MBOAT7: variants seen among roughly 807,000 people sequenced by gnomAD.
MBOAT7 encodes the protein membrane bound acylglycerophosphatidylinositol O-acyltransferase MBOAT7.
MBOAT7 carries 40 observed loss-of-function variants against 47.4 expected under a neutral mutation model. The observed-to-expected ratio is 0.84, with a 90% confidence interval of 0.66 to 1.10. MBOAT7 has a LOEUF of 1.10. Ranked by LOEUF, MBOAT7 falls within the 50% of genes least tolerant of loss-of-function variation. The pLI is 0.00. For synonymous variants in MBOAT7, 361 were observed against 292.0 expected (o/e 1.24, Z -2.41); for missense variants, 680 against 655.6 (o/e 1.04, Z -0.41).
chr19:54,174,500 G>A, intron 7 of MBOAT7, 69 bp from the exon 8 acceptor site: 1 of 1,433,442 alleles, frequency 7.0e-7, no homozygotes, highest in South Asian at 1.4e-5. Context: ...CCAGATCCAG[G>A]AGTCCAGGAC....
In MBOAT7 at chr19:54,180,756, C is replaced by T; in HGVS notation, c.854+17G>A. 1 of 1,495,986 alleles carries T rather than the reference C, an allele frequency of 6.7e-7. No homozygotes were observed. 92.7% of individuals were successfully genotyped at this position (1,495,986 alleles called of 1,614,324 possible). A position where few individuals can be genotyped will look rare whatever the true frequency, so the allele number is the denominator to read the frequency against. On this transcript the variant is annotated intron_variant, in intron 6 of 7. Coordinates refer to ENST00000245615, the MANE Select transcript of MBOAT7 (RefSeq NM_024298.5). This position sits in a 1 kb window ranked among gnomAD's most constrained non-coding sequence, Gnocchi z 5.2. The stretch of plus-strand genomic sequence containing the variant: ...GGGGCTGCTGGGTCTTGGGAAGCCT[C>T]CCTCGCGCCGCCTGACCTGCTGGGG...
In MBOAT7 at chr19:54,180,389, C is replaced by A; in HGVS notation, c.854+384G>T. 7 of 159,076 alleles carry A rather than the reference C, an allele frequency of 4.4e-5. No homozygotes were observed. The highest frequency in any genetic ancestry group is 6.9e-5 in the Non-Finnish European group (5 of 72,890). The allele number at this position is 159,076 out of a possible 1,614,324, so 9.9% of individuals were successfully genotyped here. ...GCGTTCTGTTGCTAGGGAACCGTTT[C>A]CCTAGCAACAGAGGGTGACCCACCA... is the stretch of plus-strand genomic sequence containing the variant. On this transcript the variant is annotated intron_variant, in intron 6 of 7. Transcript: ENST00000245615. This position sits in a 1 kb window ranked among gnomAD's most constrained non-coding sequence, Gnocchi z 5.2.
Position 54,174,237 on chromosome 19 carries a change from T to C in MBOAT7, c.1226A>G (p.Tyr409Cys), listed in dbSNP as rs1316348236. ...HWFLKMRAYD[Y>C]MCMGFVLLSL... ...GAGCAGCACGAAGCCCATGCACATG[T>C]AGTCATAGGCGCGCATCTTCAGGAA... Residue 409 changes from tyrosine to cysteine, a missense_variant, in exon 8 of 8, where the codon TAC (tyrosine) becomes TGC (cysteine). Physicochemically the swap from Tyr to Cys is radical, Grantham distance 194. Coordinates refer to ENST00000245615, the MANE Select transcript of MBOAT7 (RefSeq NM_024298.5). 6.2e-7 allele frequency: 1 copy of C among 1,606,110 alleles called. No individual in the cohort carries two copies. Among genetic ancestry groups the C allele is most frequent in the Non-Finnish European group, 8.5e-7 (1 of 1,175,434 alleles).
chr19:54,177,020 G>A (rs1156706353), intron 7 of MBOAT7, among the ~76,000 whole-genome samples: 3 of 151,948 alleles, frequency 2.0e-5, no homozygotes, highest in East Asian at 1.9e-4. Flanking sequence ...CCAAGAGTTC[G>A]AGACCAGCCT....
chr19:54,181,329 A>G (rs1448941449), intron 5 of MBOAT7, among the ~76,000 whole-genome samples, 196 bp from the exon 6 acceptor site: 4 of 152,162 alleles, frequency 2.6e-5, no homozygotes, highest in East Asian at 3.9e-4. Flanking sequence ...CAGGGGGGAC[A>G]AGAAACTCAG....
At chr19:54,177,193 C>G (rs770091163) in intron 7 of MBOAT7, among the ~76,000 whole-genome samples, 1 of 83,434 alleles carries the variant, frequency 1.2e-5, no homozygotes, top group Non-Finnish European at 2.6e-5. Flanking sequence ...ATAATAATAT[C>G]CTTCTTACTC....
rs186174544 is a variant in MBOAT7 at position 54,175,196 on chromosome 19, T to C, written c.1032-765A>G. Reference sequence around the variant, plus strand: ...GGTTTCACCGTGTTAGCCAGGATGGTCTCGATCTCCTGACCTCGTGATCTG... The same window carrying C: ...GGTTTCACCGTGTTAGCCAGGATGGCCTCGATCTCCTGACCTCGTGATCTG... On this transcript the variant is annotated intron_variant, in intron 7 of 7. Transcript: ENST00000245615. Among the ~76,000 whole-genome samples, 514 of 152,190 alleles carry C rather than the reference T, an allele frequency of 3.4e-3. 3 individuals are homozygous for C. Among genetic ancestry groups the C allele is most frequent in the African/African-American group, 0.011 (477 of 41,550 alleles).
At chr19:54,187,731 A>G (rs2076469484) in intron 3 of MBOAT7, among the ~76,000 whole-genome samples, 1 of 152,168 alleles carries the variant, frequency 6.6e-6, no homozygotes, top group Non-Finnish European at 1.5e-5. Flanking sequence ...AGAAAAGCAG[A>G]TGAAGGCCGG....
At position 54,187,230 on chromosome 19, in the gene MBOAT7, G is replaced by A; in HGVS notation, c.264C>T (p.Ala88=). The A allele has an allele frequency of 1.2e-6, 2 of 1,608,130 alleles. No individual in the cohort carries two copies. Among genetic ancestry groups the A allele is most frequent in the Non-Finnish European group, 1.7e-6 (2 of 1,177,776 alleles). ...GAGTGGGCAGGCCCAGGAGGCTGAGGGCTCGGAAGAACAGGAGATAGGAGA... is the reference window on the plus strand; with the variant it reads ...GAGTGGGCAGGCCCAGGAGGCTGAGAGCTCGGAAGAACAGGAGATAGGAGA... ...WTFSYLLFFR[A]LSLLGLPTPT... The change falls in exon 4 of 8, where the codon GCC becomes GCT. Residue 88 remains alanine, a synonymous_variant. Transcript: ENST00000245615.
At position 54,181,122 on chromosome 19, in the gene MBOAT7, G is replaced by A. The variant is rs1425094121; in HGVS notation, c.505C>T (p.Arg169Cys). 10 of 1,477,978 alleles carry A rather than the reference G, an allele frequency of 6.8e-6. No homozygotes were observed. Among genetic ancestry groups the A allele is most frequent in the Admixed American group, 5.0e-5 (2 of 39,920 alleles). The allele number at this position is 1,477,978 out of a possible 1,614,324, so 91.6% of individuals were successfully genotyped here. The change falls in exon 6 of 8, where the codon CGC becomes TGC. Residue 169 changes from arginine to cysteine, a missense_variant. By Grantham distance (180) the Arg-to-Cys change is radical. Coordinates refer to ENST00000245615, the MANE Select transcript of MBOAT7 (RefSeq NM_024298.5). Reference protein sequence around the residue: ...YVGIMTGPFFRYRTYLDWLEQ... With the variant: ...YVGIMTGPFFCYRTYLDWLEQ... ...AGCCAGTCCAGGTAGGTGCGGTAGC[G>A]GAAGAACGGGCCTGTGGGGCGGGGA...
chr19:54,178,003 C>T (rs965208442), intron 7 of MBOAT7, among the ~76,000 whole-genome samples: 2 of 149,014 alleles, frequency 1.3e-5, no homozygotes, highest in Non-Finnish European at 3.0e-5. Context: ...CTCTGCCTCC[C>T]GGGTTCAAGC....
At position 54,175,024 on chromosome 19, in the gene MBOAT7, A is replaced by G. The variant is rs112208377; in HGVS notation, c.1032-593T>C. 9.1e-3 allele frequency among the ~76,000 whole-genome samples: 1,281 copies of G among 140,424 alleles called. 9 individuals carry two copies. Among genetic ancestry groups the G allele is most frequent in the East Asian group, 0.036 (169 of 4,744 alleles). 92.1% of individuals were successfully genotyped at this position (140,424 alleles called of 152,430 possible). On this transcript the variant is annotated intron_variant, in intron 7 of 7. Coordinates refer to ENST00000245615, the MANE Select transcript of MBOAT7 (RefSeq NM_024298.5). ...AGAGTCTCGCTCTGTCGCCCAGGCT[A>G]GAGTGCAGTGGCGCGATCTTGGCTC...
chr19:54,187,064 A>G, intron 4 of MBOAT7, 97 bp downstream of exon 4: 1 of 1,383,956 alleles, frequency 7.2e-7, no homozygotes, highest in Non-Finnish European at 9.7e-7. Flanking sequence ...GGTGTGTTGG[A>G]GGTAAAATCC....
At chr19:54,178,698 G>A (rs1274785952) in intron 7 of MBOAT7, 67 bp downstream of exon 7, 5 of 1,574,540 alleles carry the variant, frequency 3.2e-6, no homozygotes, top group African/African-American at 1.3e-5. Context: ...GACGCTGCAG[G>A]CTACCCTGGG....
At chr19:54,183,125 G>GA (rs2076333714) in intron 5 of MBOAT7, among the ~76,000 whole-genome samples, 2 of 152,082 alleles carry the variant, frequency 1.3e-5, no homozygotes, top group Admixed American at 1.3e-4. Flanking sequence ...CTCAGCCTCC[G>GA]AAAGTGCTAG....
At chr19:54,185,701 C>CT (rs146960782) in intron 4 of MBOAT7, among the ~76,000 whole-genome samples, 16,817 of 148,918 alleles carry the variant, frequency 0.11, 2,510 homozygotes, top group African/African-American at 0.34. Context: ...CTTTTCTTTT[C>CT]TTTTTTTTTT....
chr19:54,178,993 C>G, intron 6 of MBOAT7, 52 bp from the exon 7 acceptor site: 1 of 1,592,290 alleles, frequency 6.3e-7, no homozygotes, highest in East Asian at 2.2e-5. Context: ...CAGCCAGGCC[C>G]CCTCCCGACG....
At chr19:54,184,625 G>T (rs577993310) in intron 4 of MBOAT7, among the ~76,000 whole-genome samples, 1 of 152,004 alleles carries the variant, frequency 6.6e-6, no homozygotes, top group Admixed American at 6.6e-5. Flanking sequence ...AATTTTGGCC[G>T]GGCGCGGTGG....
chr19:54,178,526 G>A lies in MBOAT7; in HGVS notation c.1031+239C>T, dbSNP rs1044723287. On this transcript the variant is annotated intron_variant, in intron 7 of 7. Coordinates refer to ENST00000245615, the MANE Select transcript of MBOAT7 (RefSeq NM_024298.5). ...TTGAGTCCACAGGACTCAGTACATT[G>A]CTTCTGCTGAGTGAGGCTGACTTTA... 1.8e-5 allele frequency: 26 copies of A among 1,419,592 alleles called. No individual in the cohort carries two copies. The Middle Eastern group carries it at 1.3e-3, about 71-fold the overall frequency. 87.9% of individuals were successfully genotyped at this position (1,419,592 alleles called of 1,614,324 possible).
Sources: allele counts gnomAD v4.1 joint callset (sites outside exome capture counted in the v4.1 genomes callset), GRCh38; gene constraint gnomAD v4.1.1; non-coding constraint Gnocchi (gnomAD v3.1); transcripts MANE v1.5; gene names NCBI Gene and HGNC (gene_info 2026-07-23, HGNC 2026-07-21).